The following ANKRD45 variants were observed in gnomAD, a reference collection of about 807,000 sequenced individuals.
ANKRD45 encodes the protein ankyrin repeat domain 45.
A neutral mutation model predicts 28.1 loss-of-function variants in ANKRD45; 21 were observed. That is an observed-to-expected ratio of 0.75 (90% confidence interval 0.53 to 1.08). The LOEUF (loss-of-function observed/expected upper bound fraction) is 1.08, where lower values mean the gene tolerates loss of function less well. Among genes scored for constraint, ANKRD45 ranks in the 50% least tolerant of loss-of-function variants. The pLI, the probability that ANKRD45 is intolerant of heterozygous loss-of-function variation, is 0.00. For missense variants in ANKRD45, 261 were observed against 308.7 expected, an observed-to-expected ratio of 0.85 and a Z score of 1.16; for synonymous variants, 86 against 103.9, an observed-to-expected ratio of 0.83 and a Z score of 1.05.
At chr1:173,703,207 AT>A in the ANKRD45 span, among the ~76,000 whole-genome samples, 186 of 140,182 alleles carry the variant, frequency 1.3e-3, no homozygotes, top group Admixed American at 1.2e-3. Context: ...TACCCAGCTA[AT>A]TTTTTTTTTT....
chr1:173,630,690 C>T (rs1195915749), intron 3 of ANKRD45, among the ~76,000 whole-genome samples: 1 of 146,754 alleles, frequency 6.8e-6, no homozygotes, highest in Non-Finnish European at 1.5e-5. Flanking sequence ...CGTCGTGGTG[C>T]ATGCCTATAA....
At chr1:173,664,085 G>A (rs901053559) in intron 1 of ANKRD45, among the ~76,000 whole-genome samples, 3 of 152,174 alleles carry the variant, frequency 2.0e-5, no homozygotes, top group African/African-American at 7.2e-5. Flanking sequence ...CCCACAGTGT[G>A]TAAAAACATG....
the ANKRD45 span, among the ~76,000 whole-genome samples, chr1:173,694,028 A>G: frequency 6.6e-6 from 1 of 152,250 alleles, no homozygotes; most frequent in Non-Finnish European, 1.5e-5. Flanking sequence ...CAAATAAGTT[A>G]TGGTTGGAGC....
chr1:173,665,540 T>C (rs1669981080), intron 1 of ANKRD45, among the ~76,000 whole-genome samples: 1 of 152,156 alleles, frequency 6.6e-6, no homozygotes, highest in Non-Finnish European at 1.5e-5. Context: ...TATTCAAAGC[T>C]ACTCTTGTTA....
At chr1:173,688,506 G>A in the ANKRD45 span, among the ~76,000 whole-genome samples, 1 of 81,258 alleles carries the variant, frequency 1.2e-5, no homozygotes, top group African/African-American at 6.1e-5. Flanking sequence ...TCCTCTCTCT[G>A]CCTCTTCCTC....
chr1:173,648,213 T>G (rs1669024157), intron 2 of ANKRD45, among the ~76,000 whole-genome samples: 1 of 152,094 alleles, frequency 6.6e-6, no homozygotes, highest in Non-Finnish European at 1.5e-5. Flanking sequence ...GCTGGTATTA[T>G]AGGCATAAGC....
chr1:173,647,237 T>C (rs1416156456), intron 2 of ANKRD45, among the ~76,000 whole-genome samples: 1 of 152,096 alleles, frequency 6.6e-6, no homozygotes, highest in Non-Finnish European at 1.5e-5. Flanking sequence ...AAAGTCCAGG[T>C]GGATTAAGAA....
At chr1:173,701,165 A>C in the ANKRD45 span, among the ~76,000 whole-genome samples, 1 of 152,226 alleles carries the variant, frequency 6.6e-6, no homozygotes, top group African/African-American at 2.4e-5. Flanking sequence ...AAAGTCAGGA[A>C]ACAACAGATG....
chr1:173,630,241 T>G (rs1299499131), intron 3 of ANKRD45, among the ~76,000 whole-genome samples: 1 of 152,140 alleles, frequency 6.6e-6, no homozygotes, highest in African/African-American at 2.4e-5. Context: ...CTGGTAATAG[T>G]AAGTACACAG....
the ANKRD45 span, among the ~76,000 whole-genome samples, chr1:173,683,189 T>C: frequency 6.6e-6 from 1 of 152,158 alleles, no homozygotes; most frequent in Admixed American, 6.6e-5. Context: ...AGCACTCTAA[T>C]GGTAAGGTGA....
At chr1:173,678,561 T>A in the ANKRD45 span, among the ~76,000 whole-genome samples, 2 of 152,172 alleles carry the variant, frequency 1.3e-5, no homozygotes, top group South Asian at 4.1e-4. Flanking sequence ...ATGGAAGGTA[T>A]CTCAAAATAA....
chr1:173,678,892 A>G, the ANKRD45 span, among the ~76,000 whole-genome samples: 2 of 152,218 alleles, frequency 1.3e-5, no homozygotes, highest in Non-Finnish European at 2.9e-5. Context: ...AAAAATCACA[A>G]GCATTTCTAT....
At chr1:173,704,641 G>A in the ANKRD45 span, among the ~76,000 whole-genome samples, 1 of 152,158 alleles carries the variant, frequency 6.6e-6, no homozygotes. Flanking sequence ...CTTCAGTTGT[G>A]CCAAGGACTG....
At chr1:173,630,978 T>C (rs1355218529) in intron 3 of ANKRD45, among the ~76,000 whole-genome samples, 1 of 151,632 alleles carries the variant, frequency 6.6e-6, no homozygotes, top group African/African-American at 2.4e-5. Context: ...TACTTATCAA[T>C]AATAACACTG....
intron 3 of ANKRD45, among the ~76,000 whole-genome samples, chr1:173,640,303 G>A (rs1469601131): frequency 6.6e-6 from 1 of 151,878 alleles, no homozygotes; most frequent in East Asian, 1.9e-4. Context: ...CAGCACACCA[G>A]CACCAACCCA....
At chr1:173,630,189 T>C (rs1668127163) in intron 3 of ANKRD45, among the ~76,000 whole-genome samples, 1 of 152,134 alleles carries the variant, frequency 6.6e-6, no homozygotes, top group Non-Finnish European at 1.5e-5. Context: ...AAGAAAAGGA[T>C]GTTAATGAGC....
At chr1:173,666,753 TA>T (rs200629161) in intron 1 of ANKRD45, among the ~76,000 whole-genome samples, 2 of 151,848 alleles carry the variant, frequency 1.3e-5, no homozygotes, top group South Asian at 2.1e-4. Context: ...AAATAGCATT[TA>T]AAAAAAATTT....
chr1:173,614,133 G>C (rs1158109657), intron 5 of ANKRD45, among the ~76,000 whole-genome samples: 1 of 152,116 alleles, frequency 6.6e-6, no homozygotes, highest in Admixed American at 6.5e-5. Context: ...AAACACTGTG[G>C]AAGGCTGCAG....
chr1:173,640,210 A>G (rs1247363940), intron 3 of ANKRD45, among the ~76,000 whole-genome samples: 1 of 151,990 alleles, frequency 6.6e-6, no homozygotes, highest in East Asian at 1.9e-4. Flanking sequence ...TCAGTTCCTG[A>G]GCAATTATAT....
Sources: gnomAD v4.1 joint callset for allele counts (sites outside exome capture counted in the v4.1 genomes callset) on GRCh38, gnomAD v4.1.1 for gene constraint, MANE v1.5 for transcripts, NCBI Gene and HGNC (gene_info 2026-07-23, HGNC 2026-07-21) for gene names.